The following KLRD1 variants were observed in gnomAD, a reference collection of about 807,000 sequenced individuals.
KLRD1 encodes the protein killer cell lectin like receptor D1.
In KLRD1, 21 loss-of-function variants were observed where a neutral mutation model predicts 22.6. That is an observed-to-expected ratio of 0.93 (90% CI 0.66 to 1.34). The LOEUF (loss-of-function observed/expected upper bound fraction) is 1.34, where lower values mean the gene tolerates loss of function less well. KLRD1 is among the 40% of genes most tolerant of loss of function. KLRD1 has a pLI of 0.00. For synonymous variants in KLRD1, 59 were observed against 71.1 expected (o/e 0.83, Z 0.85); for missense variants, 183 against 208.6 (o/e 0.88, Z 0.76).
rs1565477780 is a variant in KLRD1, at chr12:10,318,803, GC to G, written c.*4012del. 1 of 129,362 alleles carries G rather than the reference GC, an allele frequency of 7.7e-6. No individual in the cohort carries two copies. Among genetic ancestry groups the G allele is most frequent in the Non-Finnish European group, 1.5e-5 (1 of 65,714 alleles). 8.0% of individuals were successfully genotyped at this position (129,362 alleles called of 1,614,324 possible). A position where few individuals can be genotyped will look rare whatever the true frequency, so the allele number is the denominator to read the frequency against. ...GGAGTTTACAGTGAGCTGAGATCGC[GC>G]CACTGCACTCCAGCCTGGGTGACAG... On this transcript the variant is annotated 3_prime_UTR_variant, in exon 6 of 6. Transcript: ENST00000336164.
At position 10,309,707 on chromosome 12, in the gene KLRD1, A is replaced by T; in HGVS notation, c.163+19A>T. 2 of 1,573,030 alleles carry T rather than the reference A, an allele frequency of 1.3e-6. No individual in the cohort carries two copies. Among genetic ancestry groups the T allele is most frequent in the South Asian group, 2.2e-5 (2 of 89,862 alleles). On this transcript the variant is annotated intron_variant, in intron 3 of 5. Coordinates refer to ENST00000336164, the MANE Select transcript of KLRD1 (RefSeq NM_002262.5). Reference sequence around the variant, plus strand: ...CAGAAAGGTAGGTCACATTTTTTGGAAAACTTAGCATTGGTAAAAGATTAA... The same window carrying T: ...CAGAAAGGTAGGTCACATTTTTTGGTAAACTTAGCATTGGTAAAAGATTAA...
At chr12:10,239,107 C>G (rs1309365964) in intron 1 of KLRD1, among the ~76,000 whole-genome samples, 1 of 152,182 alleles carries the variant, frequency 6.6e-6, no homozygotes, top group Non-Finnish European at 1.5e-5. Flanking sequence ...GGTCACTTAA[C>G]TGTTTTAGCT....
chr12:10,293,045 TTC>T, intron 1 of KLRD1, among the ~76,000 whole-genome samples: 1 of 148,470 alleles, frequency 6.7e-6, no homozygotes, highest in African/African-American at 2.5e-5. Context: ...TTCTGCAGCT[TTC>T]TCACCTCTCA....
At chr12:10,275,943 T>C (rs979564216) in intron 1 of KLRD1, among the ~76,000 whole-genome samples, 14 of 152,216 alleles carry the variant, frequency 9.2e-5, no homozygotes, top group Admixed American at 2.6e-4. Flanking sequence ...TGCTTCCTCC[T>C]AGAATTAATC....
intron 1 of KLRD1, among the ~76,000 whole-genome samples, chr12:10,267,645 A>G (rs1057243594): frequency 1.3e-5 from 2 of 152,202 alleles, no homozygotes; most frequent in African/African-American, 4.8e-5. Flanking sequence ...TAATTATAAG[A>G]GAATAATTAG....
chr12:10,256,765 TTC>T (rs1394674258), intron 1 of KLRD1, among the ~76,000 whole-genome samples: 1 of 152,024 alleles, frequency 6.6e-6, no homozygotes, highest in African/African-American at 2.4e-5. Context: ...GGCATTATAT[TTC>T]GCTGATGCAT....
intron 1 of KLRD1, among the ~76,000 whole-genome samples, chr12:10,272,846 T>G (rs960315801): frequency 1.3e-5 from 2 of 152,236 alleles, no homozygotes; most frequent in African/African-American, 2.4e-5. Context: ...GATAAAATTT[T>G]AAATATTAAC....
At chr12:10,310,372 G>A (rs551529157) in intron 3 of KLRD1, among the ~76,000 whole-genome samples, 28 of 152,150 alleles carry the variant, frequency 1.8e-4, no homozygotes, top group South Asian at 1.0e-3. Flanking sequence ...CACCTGCCTC[G>A]GCTTCCAAAG....
At position 10,269,356 on chromosome 12, in the gene KLRD1, G is replaced by C. The variant is rs531929862; in HGVS notation, c.-100-38622G>C. Among the ~76,000 whole-genome samples the C allele has an allele frequency of 2.7e-4, 41 of 152,136 alleles. 1 individual carries two copies. The highest frequency in any genetic ancestry group is 9.6e-4 in the African/African-American group (40 of 41,520). ...AGTAGAGACAAGGTTTCACCATGTT[G>C]GCCAGACTGGTCTCAAACTCCTGAC... On this transcript the variant is annotated intron_variant, in intron 1 of 5. Coordinates refer to the KLRD1 transcript ENST00000544747.
At chr12:10,310,423 G>A (rs1950035580) in intron 3 of KLRD1, among the ~76,000 whole-genome samples, 1 of 152,156 alleles carries the variant, frequency 6.6e-6, no homozygotes, top group South Asian at 2.1e-4. Context: ...ACTGCGCCCG[G>A]CCTCAATTTT....
intron 1 of KLRD1, among the ~76,000 whole-genome samples, chr12:10,299,222 T>C (rs1420731733): frequency 1.3e-5 from 2 of 152,130 alleles, no homozygotes; most frequent in Non-Finnish European, 2.9e-5. Flanking sequence ...TTTTGTTTTG[T>C]TTTTGCTAAA....
chr12:10,297,022 A>AATTCAC (rs1949828367), intron 1 of KLRD1, among the ~76,000 whole-genome samples: 1 of 152,214 alleles, frequency 6.6e-6, no homozygotes. Flanking sequence ...TGCCCAATGC[A>AATTCAC]ATTCACATTT....
chr12:10,259,212 C>G (rs1270259593), intron 1 of KLRD1, among the ~76,000 whole-genome samples: 1 of 152,130 alleles, frequency 6.6e-6, no homozygotes, highest in Middle Eastern at 3.2e-3. Context: ...AAGAATTATT[C>G]TAATATGCAA....
At position 10,322,922 on chromosome 12, in the gene KLRD1, T is replaced by C. The variant is rs909919839; in HGVS notation, c.*8129T>C. 6.6e-6 allele frequency: 1 copy of C among 152,238 alleles called. No homozygotes were observed. The highest frequency in any genetic ancestry group is 2.4e-5 in the African/African-American group (1 of 41,458). The allele number at this position is 152,238 out of a possible 1,614,324, so 9.4% of individuals were successfully genotyped here. On this transcript the variant is annotated 3_prime_UTR_variant, in exon 6 of 6. Coordinates refer to ENST00000336164, the MANE Select transcript of KLRD1 (RefSeq NM_002262.5). ...TCTTTAATTTCATATAAATGGAAGC[T>C]TAGCATGTATGATCTTTGTGGCTTC... is the stretch of plus-strand genomic sequence containing the variant.
At position 10,270,300 on chromosome 12, in the gene KLRD1, T is replaced by A. The variant is rs565618234; in HGVS notation, c.-100-37678T>A. Among the ~76,000 whole-genome samples, 3 of 152,300 alleles carry A rather than the reference T, an allele frequency of 2.0e-5. No homozygotes were observed. The East Asian group carries it at 5.8e-4, about 29-fold the overall frequency. On this transcript the variant is annotated intron_variant, in intron 1 of 5. Coordinates refer to the KLRD1 transcript ENST00000544747. ...AAACCTTAGAACCAAATTTAAAGGCTATTTAAAATTATATTTTAGTAATTA... is the reference window on the plus strand; with the variant it reads ...AAACCTTAGAACCAAATTTAAAGGCAATTTAAAATTATATTTTAGTAATTA...
intron 1 of KLRD1, chr12:10,308,750 C>G (rs1949982374): frequency 6.5e-6 from 1 of 153,096 alleles, no homozygotes. Flanking sequence ...CTTCTTTTCC[C>G]TATAATATCT....
rs915618131 is a variant in KLRD1 at position 10,327,292 on chromosome 12, G to A, written c.*12499G>A. 1 of 152,108 alleles carries A rather than the reference G, an allele frequency of 6.6e-6. No homozygotes were observed. Among genetic ancestry groups the A allele is most frequent in the Non-Finnish European group, 1.5e-5 (1 of 68,014 alleles). 9.4% of individuals were successfully genotyped at this position (152,108 alleles called of 1,614,324 possible). A position where few individuals can be genotyped will look rare whatever the true frequency, so the allele number is the denominator to read the frequency against. On this transcript the variant is annotated 3_prime_UTR_variant, in exon 6 of 6. Coordinates refer to ENST00000336164, the MANE Select transcript of KLRD1 (RefSeq NM_002262.5). ...CCAGTGCCATATTGTTTCAATTATT[G>A]TAGCTTTGTAATATATTTTGATATC...
At chr12:10,302,234 GTAAAAAATGCAATTTCTGCAAAATGCAA>G (rs1157246382), upstream of KLRD1, among the ~76,000 whole-genome samples, 3 of 152,166 alleles carry the variant, frequency 2.0e-5, no homozygotes, top group Non-Finnish European at 4.4e-5. Flanking sequence ...CATTCAATTT[GTAAAAAATGCAATTTCTGCAAAATGCAA>G]TAAAGTAGGT....
chr12:10,322,181 G>A lies in KLRD1; in HGVS notation c.*7388G>A, dbSNP rs1279680893. Reference sequence around the variant, plus strand: ...CATGCCTCAGCCTCCCCAGTAGCTGGGATTACAGGCACCCACCACCATGCC... The same window carrying A: ...CATGCCTCAGCCTCCCCAGTAGCTGAGATTACAGGCACCCACCACCATGCC... On this transcript the variant is annotated 3_prime_UTR_variant, in exon 6 of 6. Coordinates refer to ENST00000336164, the MANE Select transcript of KLRD1 (RefSeq NM_002262.5). 6.6e-6 allele frequency: 1 copy of A among 152,332 alleles called. No individual in the cohort carries two copies. The highest frequency in any genetic ancestry group is 1.5e-5 in the Non-Finnish European group (1 of 68,184). 9.4% of individuals were successfully genotyped at this position (152,332 alleles called of 1,614,324 possible). A position where few individuals can be genotyped will look rare whatever the true frequency, so the allele number is the denominator to read the frequency against.
Sources: allele counts gnomAD v4.1 joint callset (sites outside exome capture counted in the v4.1 genomes callset), GRCh38; gene constraint gnomAD v4.1.1; transcripts MANE v1.5; gene names NCBI Gene and HGNC (gene_info 2026-07-23, HGNC 2026-07-21).